The following ARHGAP26 variants were observed in gnomAD, a reference collection of about 807,000 sequenced individuals.
ARHGAP26 encodes the protein rho GTPase-activating protein 26.
A neutral mutation model predicts 104.8 loss-of-function variants in ARHGAP26; 38 were observed. The ratio of observed to expected loss-of-function variants is 0.36; its 90% CI spans 0.28 to 0.48. The LOEUF (loss-of-function observed/expected upper bound fraction) is 0.48, where lower values mean the gene tolerates loss of function less well. Among genes scored for constraint, ARHGAP26 ranks in the 20% least tolerant of loss-of-function variants. ARHGAP26 has a pLI of 0.99. For missense variants in ARHGAP26, 704 were observed against 947.9 expected (o/e 0.74, Z 3.38); for synonymous variants, 341 against 340.0 (o/e 1.00, Z -0.03).
intron 5 of ARHGAP26, among the ~76,000 whole-genome samples, chr5:142,893,067 C>T (rs1269670451): frequency 6.7e-6 from 1 of 148,762 alleles, no homozygotes; most frequent in Non-Finnish European, 1.5e-5. Context: ...TCACTGCAAC[C>T]TCCGCCTCCT....
At chr5:142,958,394 T>G (rs1011064111) in intron 11 of ARHGAP26, among the ~76,000 whole-genome samples, 1 of 152,344 alleles carries the variant, frequency 6.6e-6, no homozygotes, top group Admixed American at 6.5e-5. Flanking sequence ...TGGCCAGGCA[T>G]AGTGGCTCAT....
At chr5:142,935,676 T>A (rs1349515119) in intron 11 of ARHGAP26, among the ~76,000 whole-genome samples, 1 of 152,230 alleles carries the variant, frequency 6.6e-6, no homozygotes, top group African/African-American at 2.4e-5. Context: ...AACTTACTCA[T>A]GTGCCCATTG....
At chr5:142,839,183 T>C (rs1476822346) in intron 1 of ARHGAP26, among the ~76,000 whole-genome samples, 2 of 152,122 alleles carry the variant, frequency 1.3e-5, no homozygotes, top group Non-Finnish European at 2.9e-5. Context: ...ACAAAGTGAG[T>C]TTGAGATGAG....
chr5:143,119,212 G>A (rs1371191706), intron 17 of ARHGAP26, among the ~76,000 whole-genome samples: 3 of 152,120 alleles, frequency 2.0e-5, no homozygotes, highest in African/African-American at 4.8e-5. Context: ...GAAGCCTGAC[G>A]GGGAAAAATG....
chr5:143,124,988 G>C (rs1796560245), intron 18 of ARHGAP26, among the ~76,000 whole-genome samples: 1 of 152,252 alleles, frequency 6.6e-6, no homozygotes, highest in East Asian at 1.9e-4. Context: ...ATTCAACCAG[G>C]AGCCTCAGGC....
At chr5:143,168,110 G>C (rs986351709) in intron 20 of ARHGAP26, among the ~76,000 whole-genome samples, 2 of 152,184 alleles carry the variant, frequency 1.3e-5, no homozygotes, top group African/African-American at 4.8e-5. Flanking sequence ...TTGAGGATAG[G>C]TTGGATTTAG....
intron 14 of ARHGAP26, among the ~76,000 whole-genome samples, chr5:143,044,913 G>A (rs1784012249): frequency 6.6e-6 from 1 of 152,164 alleles, no homozygotes; most frequent in African/African-American, 2.4e-5. Context: ...AGTATACAGA[G>A]AGAATCAACA....
intron 13 of ARHGAP26, 179 bp from the exon 14 acceptor site, chr5:143,041,637 G>A (rs1598761748): frequency 1.7e-6 from 1 of 594,520 alleles, no homozygotes; most frequent in Non-Finnish European, 3.1e-6. Flanking sequence ...CTAGACAGCT[G>A]TACCAAATCC....
At chr5:143,215,695 G>A (rs1251848587) in intron 22 of ARHGAP26, among the ~76,000 whole-genome samples, 8 of 152,110 alleles carry the variant, frequency 5.3e-5, no homozygotes, top group South Asian at 2.1e-4. Context: ...TGCCTGCTCC[G>A]GACATTTCAT....
At chr5:142,822,854 C>T (rs561181641) in intron 1 of ARHGAP26, among the ~76,000 whole-genome samples, 1 of 152,156 alleles carries the variant, frequency 6.6e-6, no homozygotes, top group African/African-American at 2.4e-5. Flanking sequence ...CTTTATATCC[C>T]TAACCTCTAG....
chr5:142,922,913 A>G (rs1475477054), intron 10 of ARHGAP26, among the ~76,000 whole-genome samples: 2 of 152,202 alleles, frequency 1.3e-5, no homozygotes, highest in Non-Finnish European at 2.9e-5. Flanking sequence ...ATGACATTTC[A>G]GGCAGGAAAT....
At chr5:142,906,633 C>T (rs1294355186) in intron 8 of ARHGAP26, among the ~76,000 whole-genome samples, 6 of 152,198 alleles carry the variant, frequency 3.9e-5, no homozygotes, top group Admixed American at 3.9e-4. Flanking sequence ...TCTTGATGCT[C>T]AAGTTGTCCA....
chr5:142,919,888 C>G (rs1368941753), intron 10 of ARHGAP26, among the ~76,000 whole-genome samples: 2 of 152,184 alleles, frequency 1.3e-5, no homozygotes, highest in East Asian at 3.9e-4. Flanking sequence ...GTAATTCCAG[C>G]TATTCAGGAG....
At chr5:142,840,844 T>C (rs1770644853) in intron 1 of ARHGAP26, among the ~76,000 whole-genome samples, 1 of 152,212 alleles carries the variant, frequency 6.6e-6, no homozygotes, top group Admixed American at 6.5e-5. Context: ...CCAGTTCTTT[T>C]TCTTGCCTTC....
In ARHGAP26 at chr5:143,047,951, A is replaced by G. The variant is rs111390231; in HGVS notation, c.1285+6061A>G. Among the ~76,000 whole-genome samples the G allele has an allele frequency of 2.4e-3, 360 of 151,860 alleles. 4 individuals carry two copies. Among genetic ancestry groups the G allele is most frequent in the African/African-American group, 8.1e-3 (335 of 41,416 alleles). On this transcript the variant is annotated intron_variant, in intron 14 of 22. Transcript: ENST00000645722. ...ACCTCCTACCTCCCAGGTTCCAGTG[A>G]TTCTCATGCTTCAGCCTCCTGAGTA...
At chr5:143,208,159 T>G (rs1808881136) in intron 21 of ARHGAP26, among the ~76,000 whole-genome samples, 2 of 151,608 alleles carry the variant, frequency 1.3e-5, no homozygotes, top group Non-Finnish European at 2.9e-5. Flanking sequence ...CTTCCGCACT[T>G]AAGTTTTTTG....
chr5:143,065,613 A>G (rs1787366070), intron 17 of ARHGAP26, among the ~76,000 whole-genome samples: 2 of 152,182 alleles, frequency 1.3e-5, no homozygotes, highest in African/African-American at 4.8e-5. Context: ...TGTATCAGAA[A>G]GTTTTAACTT....
chr5:142,838,746 T>C (rs1283788253), intron 1 of ARHGAP26, among the ~76,000 whole-genome samples: 1 of 152,254 alleles, frequency 6.6e-6, no homozygotes, highest in East Asian at 1.9e-4. Flanking sequence ...CTAGTAGTCA[T>C]GTTGTGGGAT....
intron 18 of ARHGAP26, among the ~76,000 whole-genome samples, chr5:143,129,624 C>T (rs1797104856): frequency 1.3e-5 from 2 of 152,180 alleles, no homozygotes; most frequent in Non-Finnish European, 2.9e-5. Context: ...ATCAGTGAAT[C>T]TCAAGGAGTC....
Sources: allele counts gnomAD v4.1 joint callset (sites outside exome capture counted in the v4.1 genomes callset), GRCh38; gene constraint gnomAD v4.1.1; transcripts MANE v1.5; gene names NCBI Gene and HGNC (gene_info 2026-07-23, HGNC 2026-07-21).